The following DENND1B variants were observed in gnomAD, a reference collection of about 807,000 sequenced individuals.
The protein encoded by DENND1B is DENN domain containing 1B.
DENND1B carries 59 observed loss-of-function variants against 90.1 expected under a neutral mutation model. The observed-to-expected ratio is 0.65, with a 90% CI of 0.53 to 0.81. The LOEUF is 0.81. DENND1B is among the 40% of genes least tolerant of loss of function. The pLI is 0.00. For missense variants in DENND1B, 862 were observed against 912.6 expected, an observed-to-expected ratio of 0.94 and a Z score of 0.71; for synonymous variants, 337 against 324.6, an observed-to-expected ratio of 1.04 and a Z score of -0.41.
At chr1:197,624,105 C>T (rs1678426466) in intron 10 of DENND1B, among the ~76,000 whole-genome samples, 1 of 151,518 alleles carries the variant, frequency 6.6e-6, no homozygotes, top group Admixed American at 6.6e-5. Flanking sequence ...GCAAAAGACA[C>T]AGAATAGTCA....
chr1:197,698,489 T>C (rs1658679984), intron 3 of DENND1B, among the ~76,000 whole-genome samples: 1 of 150,980 alleles, frequency 6.6e-6, no homozygotes, highest in Admixed American at 6.6e-5. Flanking sequence ...TGCCCTAACA[T>C]CACAATTAAA....
At chr1:197,696,565 A>G (rs1333617896) in intron 3 of DENND1B, among the ~76,000 whole-genome samples, 3 of 151,572 alleles carry the variant, frequency 2.0e-5, no homozygotes, top group African/African-American at 7.2e-5. Context: ...CTGCTAAGTT[A>G]CATCATTTCA....
chr1:197,605,922 AT>A (rs1676636339), intron 13 of DENND1B: 1 of 151,064 alleles, frequency 6.6e-6, no homozygotes, highest in African/African-American at 2.4e-5. Context: ...GTATTAGTGT[AT>A]TTTTGAGTTT....
chr1:197,536,766 G>A (rs1020627202), intron 20 of DENND1B, among the ~76,000 whole-genome samples: 10 of 152,234 alleles, frequency 6.6e-5, no homozygotes, highest in Non-Finnish European at 1.0e-4. Context: ...CACAGACCAG[G>A]CTCGGTGGCT....
At chr1:197,605,805 T>C (rs545430989) in intron 13 of DENND1B, 1 of 151,354 alleles carries the variant, frequency 6.6e-6, no homozygotes, top group Non-Finnish European at 1.5e-5. Flanking sequence ...AATTTTAATA[T>C]GTCTCAAGGT....
intron 11 of DENND1B, among the ~76,000 whole-genome samples, chr1:197,615,699 T>G (rs1272340781): frequency 6.6e-6 from 1 of 150,910 alleles, no homozygotes; most frequent in African/African-American, 2.4e-5. Flanking sequence ...TGATGGCTAT[T>G]CTTTAAAAAA....
chr1:197,518,975 G>C (rs533873657), intron 20 of DENND1B, among the ~76,000 whole-genome samples: 3 of 151,856 alleles, frequency 2.0e-5, no homozygotes, highest in African/African-American at 7.3e-5. Context: ...CCATTCATAG[G>C]TTCTATTTTT....
Position 197,761,229 on chromosome 1 carries a change from A to C in DENND1B, c.82+11639T>G, listed in dbSNP as rs78285172. Among the ~76,000 whole-genome samples, 475 of 152,318 alleles carry C rather than the reference A, an allele frequency of 3.1e-3. 2 individuals carry two copies. The highest frequency in any genetic ancestry group is 4.8e-3 in the Admixed American group (73 of 15,306). The stretch of plus-strand genomic sequence containing the variant: ...TCTAAAAACCAAAAAAATTAACTTC[A>C]TTAACTGCTTATAATTATTAAACAG... On this transcript the variant is annotated intron_variant, in intron 2 of 22. Coordinates refer to ENST00000620048, the MANE Select transcript of DENND1B (RefSeq NM_001195215.2).
intron 3 of DENND1B, among the ~76,000 whole-genome samples, chr1:197,696,756 T>A (rs574589071): frequency 6.6e-6 from 1 of 151,560 alleles, no homozygotes; most frequent in Non-Finnish European, 1.5e-5. Context: ...TGTCACTCAT[T>A]CAACTAGCCG....
intron 3 of DENND1B, among the ~76,000 whole-genome samples, chr1:197,678,193 T>C (rs1219108425): frequency 6.6e-6 from 1 of 152,168 alleles, no homozygotes; most frequent in Non-Finnish European, 1.5e-5. Flanking sequence ...CCGATAACCA[T>C]GACACATGTA....
chr1:197,628,233 A>C (rs1448725779), intron 10 of DENND1B, among the ~76,000 whole-genome samples: 1 of 152,194 alleles, frequency 6.6e-6, no homozygotes, highest in Non-Finnish European at 1.5e-5. Flanking sequence ...TCCTAAGCCA[A>C]AAGAACAAAG....
At chr1:197,755,770 T>C (rs1022951981) in intron 2 of DENND1B, among the ~76,000 whole-genome samples, 3 of 152,172 alleles carry the variant, frequency 2.0e-5, no homozygotes, top group Admixed American at 6.5e-5. Context: ...ACATCTTCTG[T>C]GGATGGCAGC....
At chr1:197,633,320 T>C (rs1023304184) in intron 10 of DENND1B, among the ~76,000 whole-genome samples, 2 of 152,210 alleles carry the variant, frequency 1.3e-5, no homozygotes, top group African/African-American at 2.4e-5. Context: ...GGGTGGACTG[T>C]ACCAATTATC....
intron 3 of DENND1B, among the ~76,000 whole-genome samples, chr1:197,690,949 T>C (rs1286373689): frequency 6.6e-6 from 1 of 151,828 alleles, no homozygotes; most frequent in Non-Finnish European, 1.5e-5. Flanking sequence ...GACTTAAACA[T>C]AAGACGTGAA....
At chr1:197,643,117 A>C (rs10922269) in intron 9 of DENND1B, among the ~76,000 whole-genome samples, 11,774 of 152,004 alleles carry the variant, frequency 0.077, 554 homozygotes, top group Non-Finnish European at 0.098. Context: ...CCTGGGACCC[A>C]ACCTAGAGCT....
intron 1 of DENND1B, chr1:197,774,420 A>C (rs1657008248): frequency 6.6e-6 from 1 of 152,200 alleles, no homozygotes; most frequent in South Asian, 2.1e-4. Flanking sequence ...CAGAAGAAAA[A>C]TATAAAACTC....
At chr1:197,606,870 A>G (rs1676728448) in intron 13 of DENND1B, 1 of 480,008 alleles carries the variant, frequency 2.1e-6, no homozygotes. Flanking sequence ...TACTTTTACA[A>G]TAAGGAATAT....
chr1:197,557,432 C>A (rs1000314853), intron 15 of DENND1B, among the ~76,000 whole-genome samples: 1 of 151,730 alleles, frequency 6.6e-6, no homozygotes, highest in Non-Finnish European at 1.5e-5. Flanking sequence ...GTCTAAAAAG[C>A]GATAAATCCC....
intron 5 of DENND1B, among the ~76,000 whole-genome samples, chr1:197,669,724 T>C (rs1227951133): frequency 6.6e-6 from 1 of 152,092 alleles, no homozygotes; most frequent in Admixed American, 6.6e-5. Context: ...TCCTCTATGA[T>C]TTTTTCATAA....
Sources: allele counts gnomAD v4.1 joint callset (sites outside exome capture counted in the v4.1 genomes callset), GRCh38; gene constraint gnomAD v4.1.1; transcripts MANE v1.5; gene names NCBI Gene and HGNC (gene_info 2026-07-23, HGNC 2026-07-21).